OR3A2: variants seen among roughly 807,000 people sequenced by gnomAD.
OR3A2 encodes olfactory receptor 3A2.
For missense variants in OR3A2, 318 were observed against 392.8 expected, an observed-to-expected ratio of 0.81 and a Z score of 1.61; for synonymous variants, 126 against 159.3, an observed-to-expected ratio of 0.79 and a Z score of 1.57.
chr17:3,314,884 A>G (rs2049069187), intron 3 of OR3A2, among the ~76,000 whole-genome samples: 1 of 151,992 alleles, frequency 6.6e-6, no homozygotes, highest in Non-Finnish European at 1.5e-5. Flanking sequence ...TCTTGTTCTC[A>G]TATTTATGTC....
At chr17:3,342,504 T>C (rs769100920) in intron 2 of OR3A2, among the ~76,000 whole-genome samples, 4 of 152,228 alleles carry the variant, frequency 2.6e-5, no homozygotes, top group African/African-American at 7.2e-5. Flanking sequence ...GTTGTTAGTT[T>C]TCCTTCTGTC....
intron 2 of OR3A2, among the ~76,000 whole-genome samples, chr17:3,354,676 G>A (rs2049449832): frequency 6.6e-6 from 1 of 150,948 alleles, no homozygotes; most frequent in Non-Finnish European, 1.5e-5. Flanking sequence ...CTAAAGGTTT[G>A]GCCATATTGT....
At chr17:3,300,934 A>G (rs1467269439) in intron 3 of OR3A2, among the ~76,000 whole-genome samples, 1 of 149,642 alleles carries the variant, frequency 6.7e-6, no homozygotes, top group Non-Finnish European at 1.5e-5. Flanking sequence ...GAGTGAGAAC[A>G]TGCGGTGTTT....
At chr17:3,315,213 C>T (rs769577393) in intron 3 of OR3A2, among the ~76,000 whole-genome samples, 4 of 152,202 alleles carry the variant, frequency 2.6e-5, no homozygotes, top group Non-Finnish European at 4.4e-5. Context: ...AGTAATGGGA[C>T]TGCTGGGTCA....
At chr17:3,307,199 G>C (rs2049006479) in intron 3 of OR3A2, among the ~76,000 whole-genome samples, 1 of 152,218 alleles carries the variant, frequency 6.6e-6, no homozygotes, top group Admixed American at 6.5e-5. Flanking sequence ...GCAGTTTCTG[G>C]AAAGGAGGAG....
intron 3 of OR3A2, among the ~76,000 whole-genome samples, chr17:3,332,895 C>T (rs1327336917): frequency 6.6e-6 from 1 of 152,122 alleles, no homozygotes; most frequent in East Asian, 1.9e-4. Context: ...CACTATTGTA[C>T]AAACTGATTG....
intron 3 of OR3A2, among the ~76,000 whole-genome samples, chr17:3,293,283 G>A (rs1449318046): frequency 6.6e-6 from 1 of 152,100 alleles, no homozygotes; most frequent in Non-Finnish European, 1.5e-5. Context: ...TTGGACTCAA[G>A]AAGCAGAGAA....
At chr17:3,301,352 T>C (rs2048964364) in intron 3 of OR3A2, among the ~76,000 whole-genome samples, 1 of 147,328 alleles carries the variant, frequency 6.8e-6, no homozygotes, top group Non-Finnish European at 1.5e-5. Flanking sequence ...CTCCAGCACC[T>C]GTTGTTTCCT....
At chr17:3,325,280 A>G (rs2049162381) in intron 3 of OR3A2, among the ~76,000 whole-genome samples, 1 of 145,542 alleles carries the variant, frequency 6.9e-6, no homozygotes, top group Non-Finnish European at 1.5e-5. Context: ...TGCAATCTCA[A>G]CTCACTGCAA....
At chr17:3,379,271 T>A (rs2049712753) in intron 2 of OR3A2, among the ~76,000 whole-genome samples, 1 of 151,820 alleles carries the variant, frequency 6.6e-6, no homozygotes, top group African/African-American at 2.4e-5. Flanking sequence ...GGAAGTTAGG[T>A]TGGCCCCTCC....
chr17:3,375,165 T>C (rs2049669982), intron 2 of OR3A2, among the ~76,000 whole-genome samples: 2 of 115,362 alleles, frequency 1.7e-5, no homozygotes, highest in African/African-American at 4.0e-5. Context: ...TTTTTTTTTT[T>C]TTTTCTTTTT....
rs796852479 is a variant in OR3A2, at chr17:3,355,344, A to AT, written c.-178-19219dup. Among the ~76,000 whole-genome samples, 13 of 151,198 alleles carry AT rather than the reference A, an allele frequency of 8.6e-5. 1 individual carries two copies. Among genetic ancestry groups the AT allele is most frequent in the African/African-American group, 3.2e-4 (13 of 40,962 alleles). On this transcript the variant is annotated intron_variant, in intron 2 of 4. Coordinates refer to the OR3A2 transcript ENST00000573491. ...TCCATGGTGAAGATTAAGTCCTATCATTTTTTGTTGATTGTCTGTCTGGAA... is the reference window on the plus strand; with the variant it reads ...TCCATGGTGAAGATTAAGTCCTATCATTTTTTTGTTGATTGTCTGTCTGGAA...
chr17:3,321,269 G>C (rs527635524), intron 3 of OR3A2, among the ~76,000 whole-genome samples: 2 of 152,094 alleles, frequency 1.3e-5, no homozygotes, highest in East Asian at 1.9e-4. Context: ...TCAGCTTAAG[G>C]AGATTTTGGG....
At chr17:3,288,936 G>A (rs1209354426), upstream of OR3A2, among the ~76,000 whole-genome samples, 1 of 152,088 alleles carries the variant, frequency 6.6e-6, no homozygotes, top group Non-Finnish European at 1.5e-5. Context: ...TACATCAATG[G>A]GGTGTGGTTA....
intron 2 of OR3A2, among the ~76,000 whole-genome samples, chr17:3,350,218 C>G (rs2049407836): frequency 6.6e-6 from 1 of 151,924 alleles, no homozygotes; most frequent in Non-Finnish European, 1.5e-5. Flanking sequence ...CACAAAAAAC[C>G]CTTCAAAAAA....
Position 3,311,210 on chromosome 17 carries a change from C to T in OR3A2, c.-85+24823G>A, listed in dbSNP as rs188850679. The T allele has an allele frequency of 1.9e-4, 101 of 536,636 alleles. No homozygotes were observed. The highest frequency in any genetic ancestry group is 1.8e-3 in the Admixed American group (95 of 51,716). 33.2% of individuals were successfully genotyped at this position (536,636 alleles called of 1,614,324 possible). A position where few individuals can be genotyped will look rare whatever the true frequency, so the allele number is the denominator to read the frequency against. ...TCTACTGGACATCTCTGCTGGACGT[C>T]GGGTGCATCAGTCACTGTTCCTCCG... is the stretch of plus-strand genomic sequence containing the variant. On this transcript the variant is annotated intron_variant, in intron 3 of 4. Transcript: ENST00000573491. This position sits in a 1 kb window ranked among gnomAD's most constrained non-coding sequence, Gnocchi z 4.6.
chr17:3,332,573 C>T (rs2049246131), intron 3 of OR3A2, among the ~76,000 whole-genome samples: 1 of 152,228 alleles, frequency 6.6e-6, no homozygotes, highest in Non-Finnish European at 1.5e-5. Flanking sequence ...GCACGGTGTG[C>T]ACACCCACTG....
At chr17:3,315,763 CGGTAGTAAGATG>C (rs1464173398) in intron 3 of OR3A2, among the ~76,000 whole-genome samples, 1 of 58,124 alleles carries the variant, frequency 1.7e-5, no homozygotes, top group African/African-American at 1.1e-4. Context: ...GGGGGGGGGG[CGGTAGTAAGATG>C]AGTAGTAAGA....
At chr17:3,383,805 T>A (rs1193920323) in exon 2 of OR3A2, 1 of 152,132 alleles carries the variant, frequency 6.6e-6, no homozygotes, top group Non-Finnish European at 1.5e-5. Flanking sequence ...TCTGGTTACC[T>A]TAGGAAGTTG....
Sources: gnomAD v4.1 joint callset for allele counts (sites outside exome capture counted in the v4.1 genomes callset) on GRCh38, gnomAD v4.1.1 for gene constraint, Gnocchi (gnomAD v3.1) non-coding constraint, MANE v1.5 for transcripts, NCBI Gene and HGNC (gene_info 2026-07-23, HGNC 2026-07-21) for gene names.